Variants in L1TD1 observed in about 807,000 individuals in gnomAD.
L1TD1 encodes the protein LINE1 type transposase domain containing 1, also known as LINE-1 type transposase domain-containing protein 1.
L1TD1 carries 26 observed loss-of-function variants against 25.7 expected under a neutral mutation model. The ratio of observed to expected loss-of-function variants is 1.01; its 90% CI spans 0.74 to 1.40. The LOEUF is 1.40. Ranked by LOEUF, L1TD1 falls within the 40% of genes most tolerant of loss-of-function variation. The pLI is 0.00. For synonymous variants in L1TD1, 421 were observed against 335.6 expected (o/e 1.25, Z -2.78); for missense variants, 1,130 against 975.0 (o/e 1.16, Z -2.12).
intron 2 of L1TD1, among the ~76,000 whole-genome samples, chr1:62,205,430 TATATATATATATA>T (rs1317866803): frequency 2.7e-5 from 2 of 74,014 alleles, no homozygotes; most frequent in African/African-American, 4.8e-5. Flanking sequence ...TATATATATA[TATATATATATATA>T]TTTTTTTTTA....
At position 62,207,523 on chromosome 1, in the gene L1TD1, C is replaced by G. The variant is rs1181816784; in HGVS notation, c.895C>G (p.Leu299Val). 1.3e-6 allele frequency: 2 copies of G among 1,551,166 alleles called. No individual in the cohort carries two copies. Among genetic ancestry groups the G allele is most frequent in the Admixed American group, 2.0e-5 (1 of 50,918 alleles). Residue 299 changes from leucine (L) to valine (V), a missense_variant, in exon 3 of 4, where the codon CTT becomes GTT. Coordinates refer to ENST00000498273, the MANE Select transcript of L1TD1 (RefSeq NM_019079.5). The stretch of plus-strand genomic sequence containing the variant: ...AAAGACATTTTCAGATCTGCAAAGC[C>G]TTAGAAAATTTGCCAGCCAAAAATC... The part of the protein sequence containing the change: ...EIKTFSDLQS[L>V]RKFASQKSSV...
chr1:62,207,898 G>A (rs1454972884), intron 3 of L1TD1, among the ~76,000 whole-genome samples: 1 of 152,122 alleles, frequency 6.6e-6, no homozygotes, highest in Non-Finnish European at 1.5e-5. Flanking sequence ...TTTCAGTAGA[G>A]ACGGGGTTTC....
At chr1:62,204,549 A>G (rs1670698827) in intron 2 of L1TD1, among the ~76,000 whole-genome samples, 2 of 152,086 alleles carry the variant, frequency 1.3e-5, no homozygotes, top group Admixed American at 6.6e-5. Context: ...TCCTGATTCA[A>G]TTTTTATTGC....
Position 62,210,094 on chromosome 1 carries a change from A to G in L1TD1, c.1320A>G (p.Ser440=), listed in dbSNP as rs1377279519. ...TAGAGGAGGAAGAGGAACAGACTTC[A>G]GAACAGGACTCAACCTTTCAGGGTC... The part of the protein sequence containing the change: ...SGLEEEEEQT[S]EQDSTFQGHT... The change falls in exon 4 of 4, where the codon TCA becomes TCG. Residue 440 remains serine (S), a synonymous_variant. Coordinates refer to ENST00000498273, the MANE Select transcript of L1TD1 (RefSeq NM_019079.5). 3 of 1,613,926 alleles carry G rather than the reference A, an allele frequency of 1.9e-6. No homozygotes were observed. Among genetic ancestry groups the G allele is most frequent in the African/African-American group, 2.7e-5 (2 of 74,926 alleles).
At chr1:62,197,879 A>G (rs916243062) in intron 2 of L1TD1, among the ~76,000 whole-genome samples, 3 of 140,104 alleles carry the variant, frequency 2.1e-5, no homozygotes, top group Admixed American at 7.6e-5. Context: ...TGTCTCAAAA[A>G]CAGAAGAAAA....
chr1:62,205,711 G>A (rs147057164), intron 2 of L1TD1, among the ~76,000 whole-genome samples: 6 of 151,756 alleles, frequency 4.0e-5, no homozygotes, highest in African/African-American at 4.8e-5. Flanking sequence ...GATTACAGGC[G>A]TGAGCCACTG....
chr1:62,197,590 G>C (rs1670568976), intron 2 of L1TD1, among the ~76,000 whole-genome samples: 1 of 151,742 alleles, frequency 6.6e-6, no homozygotes, highest in African/African-American at 2.4e-5. Context: ...TGCCCCGAAA[G>C]GTGCTGGGAT....
chr1:62,195,373 C>T (rs1670514273), intron 1 of L1TD1, among the ~76,000 whole-genome samples: 1 of 152,208 alleles, frequency 6.6e-6, no homozygotes, highest in South Asian at 2.1e-4. Flanking sequence ...CTTATCTATC[C>T]CCAAATTGGA....
rs1222616370 is a variant in L1TD1, at chr1:62,210,257, A to G, written c.1483A>G (p.Thr495Ala). ...CTCTGAAACAGGAAAGGTAAAGACT[A>G]CCTCCCTGACTGAGAAAAAAGCCTC... ...KSSETGKVKTTSLTEKKASRR... is the reference protein window; with the variant it reads ...KSSETGKVKTASLTEKKASRR... The change falls in exon 4 of 4, where the codon ACC becomes GCC. Residue 495 changes from threonine to alanine, a missense_variant. By Grantham distance (58) the Thr-to-Ala change is moderately conservative. Coordinates refer to ENST00000498273, the MANE Select transcript of L1TD1 (RefSeq NM_019079.5). 9 of 1,614,090 alleles carry G rather than the reference A, an allele frequency of 5.6e-6. No individual in the cohort carries two copies. The highest frequency in any genetic ancestry group is 1.6e-4 in the Middle Eastern group (1 of 6,062).
At chr1:62,203,209 A>G (rs1340258472) in intron 2 of L1TD1, among the ~76,000 whole-genome samples, 1 of 151,924 alleles carries the variant, frequency 6.6e-6, no homozygotes, top group African/African-American at 2.4e-5. Context: ...ACATCAGGGT[A>G]AATGGGGGTA....
At chr1:62,201,604 T>G (rs771970817) in intron 2 of L1TD1, among the ~76,000 whole-genome samples, 2 of 152,132 alleles carry the variant, frequency 1.3e-5, no homozygotes, top group Non-Finnish European at 2.9e-5. Context: ...TCTTTTTTCT[T>G]TCTTAGTTGT....
chr1:62,204,615 G>C (rs1043835924), intron 2 of L1TD1, among the ~76,000 whole-genome samples: 5 of 152,048 alleles, frequency 3.3e-5, no homozygotes, highest in African/African-American at 1.2e-4. Context: ...TGTTGCCCAG[G>C]CTGATGTTGA....
rs553198309 is a variant in L1TD1 at position 62,207,161 on chromosome 1, T to C, written c.533T>C (p.Leu178Ser). The change falls in exon 3 of 4, where the codon TTA becomes TCA. Residue 178 changes from leucine (L) to serine (S), a missense_variant. Physicochemically the swap from Leu to Ser is moderately radical, Grantham distance 145. Coordinates refer to ENST00000498273, the MANE Select transcript of L1TD1 (RefSeq NM_019079.5). ...YEVMGSMEETLCNIDDRDGNR... is the reference protein window; with the variant it reads ...YEVMGSMEETSCNIDDRDGNR... The stretch of plus-strand genomic sequence containing the variant: ...GTCATGGGAAGTATGGAAGAAACCT[T>C]ATGCAATATAGATGACAGAGATGGA... The C allele has an allele frequency of 2.7e-5, 42 of 1,559,154 alleles. 2 individuals are homozygous for C. The South Asian group carries it at 4.0e-4, about 15-fold the overall frequency.
intron 2 of L1TD1, among the ~76,000 whole-genome samples, chr1:62,205,442 T>TTTTTTTTTTTTTTTTTTTTTTC (rs1670726637): frequency 1.4e-5 from 1 of 69,688 alleles, no homozygotes; most frequent in Non-Finnish European, 2.9e-5. Flanking sequence ...TATATATATA[T>TTTTTTTTTTTTTTTTTTTTTTC]ATTTTTTTTT....
rs763722130 is a variant in L1TD1, at chr1:62,210,157, C to T, written c.1383C>T (p.Thr461=). 49 of 1,613,914 alleles carry T rather than the reference C, an allele frequency of 3.0e-5. No individual in the cohort carries two copies. The highest frequency in any genetic ancestry group is 2.1e-5 in the Non-Finnish European group (25 of 1,180,032). The part of the protein sequence containing the change: ...LVDAKHEVEI[T]SDGMETTFID... ...ATGCAAAGCATGAAGTTGAGATAAC[C>T]AGTGATGGCATGGAAACTACTTTCA... The change falls in exon 4 of 4, where the codon ACC becomes ACT. Residue 461 remains threonine, a synonymous_variant. Transcript: ENST00000498273.
chr1:62,200,109 A>C (rs932958295), intron 2 of L1TD1, among the ~76,000 whole-genome samples: 1 of 152,164 alleles, frequency 6.6e-6, no homozygotes, highest in Non-Finnish European at 1.5e-5. Flanking sequence ...TGTACGTTGA[A>C]CATATTGTAT....
chr1:62,210,775 A>C lies in L1TD1; in HGVS notation c.2001A>C (p.Glu667Asp). The C allele has an allele frequency of 6.4e-7, 1 of 1,550,568 alleles. No individual in the cohort carries two copies. Residue 667 changes from glutamate to aspartate, a missense_variant, in exon 4 of 4, where the codon GAA (glutamate) becomes GAC (aspartate). Coordinates refer to ENST00000498273, the MANE Select transcript of L1TD1 (RefSeq NM_019079.5). ...TTGAAGAAAGAATAGACAGTCTAGAAGATCAAATTGAAGAATTCTCTAAGG... is the reference window on the plus strand; with the variant it reads ...TTGAAGAAAGAATAGACAGTCTAGACGATCAAATTGAAGAATTCTCTAAGG... Reference protein sequence around the residue: ...DILEERIDSLEDQIEEFSKDT... With the variant: ...DILEERIDSLDDQIEEFSKDT...
In L1TD1 at chr1:62,210,561, C is replaced by T. The variant is rs1225731651; in HGVS notation, c.1787C>T (p.Thr596Ile). The T allele has an allele frequency of 1.2e-6, 2 of 1,613,146 alleles. No homozygotes were observed. Among genetic ancestry groups the T allele is most frequent in the African/African-American group, 1.3e-5 (1 of 74,776 alleles). Residue 596 changes from threonine to isoleucine, a missense_variant, in exon 4 of 4, where the codon ACT becomes ATT. Physicochemically the swap from Thr to Ile is moderately conservative, Grantham distance 89 (BLOSUM62 -1). Coordinates refer to ENST00000498273, the MANE Select transcript of L1TD1 (RefSeq NM_019079.5). The part of the protein sequence containing the change: ...LKKTEEKKHR[T>I]LHTEELTSKE... Reference sequence around the variant, plus strand: ...AAAACAGAAGAAAAGAAACACAGAACTCTGCACACAGAAGAACTAACATCC... The same window carrying T: ...AAAACAGAAGAAAAGAAACACAGAATTCTGCACACAGAAGAACTAACATCC...
At chr1:62,197,421 A>ATATATATATG (rs1670565594) in intron 2 of L1TD1, among the ~76,000 whole-genome samples, 2 of 92,330 alleles carry the variant, frequency 2.2e-5, no homozygotes, top group East Asian at 8.1e-4. Flanking sequence ...ATATATATAT[A>ATATATATATG]TATATATATA....
Sources: gnomAD v4.1 joint callset for allele counts (sites outside exome capture counted in the v4.1 genomes callset) on GRCh38, gnomAD v4.1.1 for gene constraint, MANE v1.5 for transcripts, NCBI Gene and HGNC (gene_info 2026-07-23, HGNC 2026-07-21) for gene names.